SUSD5: variants seen among roughly 807,000 people sequenced by gnomAD.
The protein encoded by SUSD5 is sushi domain-containing protein 5.
A neutral mutation model predicts 29.5 loss-of-function variants in SUSD5; 33 were observed. The observed-to-expected ratio is 1.12, with a 90% CI of 0.85 to 1.49. The LOEUF is 1.49. SUSD5 is among the 40% of genes most tolerant of loss of function. SUSD5 has a pLI of 0.00. For missense variants in SUSD5, 776 were observed against 800.6 expected (o/e 0.97, Z 0.37); for synonymous variants, 308 against 325.3 (o/e 0.95, Z 0.57).
intron 3 of SUSD5, among the ~76,000 whole-genome samples, chr3:33,178,285 C>T (rs1184850658): frequency 6.6e-6 from 1 of 152,076 alleles, no homozygotes; most frequent in Non-Finnish European, 1.5e-5. Flanking sequence ...ATGTGATGGA[C>T]CATATTAATT....
intron 4 of SUSD5, among the ~76,000 whole-genome samples, chr3:33,171,405 CTCT>C (rs1458520164): frequency 2.6e-5 from 4 of 151,700 alleles, no homozygotes; most frequent in African/African-American, 4.8e-5. Flanking sequence ...AAACGGTTTT[CTCT>C]TCTTCTCATC....
In SUSD5 at chr3:33,211,366, A is replaced by G. The variant is rs148604526; in HGVS notation, c.290+2562T>C. Among the ~76,000 whole-genome samples, 412 of 152,298 alleles carry G rather than the reference A, an allele frequency of 2.7e-3. 1 individual carries two copies. The highest frequency in any genetic ancestry group is 9.5e-3 in the African/African-American group (393 of 41,560). ...AGCGGTCTCTTCAGAATCTGTGAAT[A>G]CTCTGGTTATCTGATGAAATTTTAT... On this transcript the variant is annotated intron_variant, in intron 2 of 4. Transcript: ENST00000309558.
chr3:33,212,311 G>T (rs1575546626), intron 2 of SUSD5, among the ~76,000 whole-genome samples: 1 of 152,130 alleles, frequency 6.6e-6, no homozygotes, highest in East Asian at 1.9e-4. Context: ...CCAGAGGACT[G>T]CCTGAGTCCA....
At chr3:33,207,556 T>G (rs2032244812) in intron 3 of SUSD5, among the ~76,000 whole-genome samples, 1 of 152,218 alleles carries the variant, frequency 6.6e-6, no homozygotes, top group Admixed American at 6.5e-5. Flanking sequence ...AGGGGTTTCC[T>G]GAGTGATTGA....
At chr3:33,174,323 T>C (rs1185174859) in intron 4 of SUSD5, among the ~76,000 whole-genome samples, 1 of 152,146 alleles carries the variant, frequency 6.6e-6, no homozygotes, top group Non-Finnish European at 1.5e-5. Context: ...AACTCATATG[T>C]GTGGTGTGGA....
At chr3:33,170,432 GA>G (rs1332506323) in intron 4 of SUSD5, among the ~76,000 whole-genome samples, 4 of 152,192 alleles carry the variant, frequency 2.6e-5, no homozygotes, top group Non-Finnish European at 5.9e-5. Context: ...ACAGAGGGGA[GA>G]AAATGGCAGT....
At chr3:33,188,233 T>C (rs1301208971) in intron 3 of SUSD5, among the ~76,000 whole-genome samples, 3 of 152,244 alleles carry the variant, frequency 2.0e-5, no homozygotes, top group African/African-American at 7.2e-5. Context: ...ACTTTCATCT[T>C]GACCTTTGAA....
intron 3 of SUSD5, among the ~76,000 whole-genome samples, chr3:33,198,130 A>G (rs1387482962): frequency 6.6e-6 from 1 of 152,238 alleles, no homozygotes; most frequent in African/African-American, 2.4e-5. Context: ...CCATACTATT[A>G]TTATCACTTT....
Position 33,153,146 on chromosome 3 carries a change from C to G in SUSD5, c.1486G>C (p.Glu496Gln). The G allele has an allele frequency of 1.2e-6, 2 of 1,613,812 alleles. No individual in the cohort carries two copies. The highest frequency in any genetic ancestry group is 1.7e-6 in the Non-Finnish European group (2 of 1,179,846). Residue 496 changes from glutamate to glutamine, a missense_variant, in exon 5 of 5, where the codon GAG becomes CAG. Physicochemically the swap from Glu to Gln is conservative, Grantham distance 29. Transcript: ENST00000309558. ...LSYELTSSTL[E>Q]ILTVNTVKQT... ...TTGACAGTGTTCACTGTTAATATCT[C>G]CAGGGTGGAGCTGGTGAGCTCATAG...
chr3:33,207,500 CT>C (rs1028841906), intron 3 of SUSD5, among the ~76,000 whole-genome samples: 2 of 152,176 alleles, frequency 1.3e-5, no homozygotes, highest in African/African-American at 4.8e-5. Context: ...CTCCAGCTCC[CT>C]CACCCCAATC....
intron 2 of SUSD5, among the ~76,000 whole-genome samples, chr3:33,209,442 T>C (rs2032281974): frequency 6.6e-6 from 1 of 152,144 alleles, no homozygotes; most frequent in Non-Finnish European, 1.5e-5. Flanking sequence ...CCCTTTGTTG[T>C]ATAATTTTTC....
intron 4 of SUSD5, among the ~76,000 whole-genome samples, chr3:33,174,310 C>G (rs891116408): frequency 6.6e-6 from 1 of 152,158 alleles, no homozygotes; most frequent in Non-Finnish European, 1.5e-5. Flanking sequence ...TCAGGTGGAT[C>G]AGAACTCATA....
chr3:33,203,134 CA>C (rs1291759163), intron 3 of SUSD5, among the ~76,000 whole-genome samples: 2 of 152,222 alleles, frequency 1.3e-5, no homozygotes, highest in African/African-American at 4.8e-5. Context: ...CTTCCTTAAG[CA>C]AACAGATTTC....
chr3:33,209,823 C>T (rs566348413), intron 2 of SUSD5, among the ~76,000 whole-genome samples: 4 of 152,044 alleles, frequency 2.6e-5, no homozygotes, highest in African/African-American at 9.6e-5. Context: ...CTCTTTGGCT[C>T]TTTTTAATCA....
chr3:33,154,857 G>A (rs1213635041), intron 4 of SUSD5, among the ~76,000 whole-genome samples: 2 of 152,090 alleles, frequency 1.3e-5, no homozygotes, highest in Non-Finnish European at 2.9e-5. Flanking sequence ...TGTCCAAATC[G>A]ATCTATACAG....
At chr3:33,162,490 A>G (rs1248102691) in intron 4 of SUSD5, among the ~76,000 whole-genome samples, 1 of 152,242 alleles carries the variant, frequency 6.6e-6, no homozygotes, top group Non-Finnish European at 1.5e-5. Flanking sequence ...GACATAGTCA[A>G]AAGTAAATTC....
At chr3:33,213,034 G>C (rs762610569) in intron 2 of SUSD5, among the ~76,000 whole-genome samples, 14 of 152,162 alleles carry the variant, frequency 9.2e-5, no homozygotes, top group Admixed American at 3.9e-4. Flanking sequence ...GAGAAGAAGA[G>C]AGAAACTTAA....
At position 33,162,309 on chromosome 3, in the gene SUSD5, G is replaced by A. The variant is rs538166627; in HGVS notation, c.599-8276C>T. On this transcript the variant is annotated intron_variant, in intron 4 of 4. Transcript: ENST00000309558. Reference sequence around the variant, plus strand: ...GTGGGAAACAGCAAAAGCTGAGCTCGGGGGAAGTTATACCTTTAAATATCT... The same window carrying A: ...GTGGGAAACAGCAAAAGCTGAGCTCAGGGGAAGTTATACCTTTAAATATCT... 3.9e-5 allele frequency among the ~76,000 whole-genome samples: 6 copies of A among 152,224 alleles called. No homozygotes were observed. The East Asian group carries it at 5.8e-4, about 15-fold the overall frequency.
intron 4 of SUSD5, among the ~76,000 whole-genome samples, chr3:33,170,993 G>A (rs4678732): frequency 0.41 from 61,883 of 152,064 alleles, 13,190 homozygotes; most frequent in East Asian, 0.72. Flanking sequence ...TGATATATTC[G>A]CAGGAACCTC....
Sources: allele counts gnomAD v4.1 joint callset (sites outside exome capture counted in the v4.1 genomes callset), GRCh38; gene constraint gnomAD v4.1.1; transcripts MANE v1.5; gene names NCBI Gene and HGNC (gene_info 2026-07-23, HGNC 2026-07-21).